The following ERBB4 variants were observed in gnomAD, a reference collection of about 807,000 sequenced individuals.
The protein encoded by ERBB4 is erb-b2 receptor tyrosine kinase 4.
A neutral mutation model predicts 158.0 loss-of-function variants in ERBB4; 42 were observed. The ratio of observed to expected loss-of-function variants is 0.27; its 90% CI spans 0.21 to 0.34. The LOEUF is 0.34. ERBB4 is among the 10% of genes least tolerant of loss of function. The pLI is 1.00. For synonymous variants in ERBB4, 583 were observed against 558.7 expected (o/e 1.04, Z -0.61); for missense variants, 1,333 against 1,624.1 (o/e 0.82, Z 3.08).
chr2:211,626,966 A>T (rs112301067), intron 17 of ERBB4, among the ~76,000 whole-genome samples: 17 of 150,682 alleles, frequency 1.1e-4, no homozygotes, highest in African/African-American at 3.6e-4. Flanking sequence ...TAAAAAAAAA[A>T]AAGTGTGTGT....
At chr2:211,826,080 C>T (rs1342412915) in intron 3 of ERBB4, among the ~76,000 whole-genome samples, 1 of 151,438 alleles carries the variant, frequency 6.6e-6, no homozygotes. Context: ...AGCTTTTGGG[C>T]TTCCATACAG....
At chr2:212,275,585 T>C (rs1433582992) in intron 1 of ERBB4, among the ~76,000 whole-genome samples, 1 of 151,766 alleles carries the variant, frequency 6.6e-6, no homozygotes, top group Non-Finnish European at 1.5e-5. Flanking sequence ...CTGAGCTTCA[T>C]AAGAGAAGGA....
rs1433873381 is a variant in ERBB4 at position 212,029,246 on chromosome 2, T to TACTGCCAGAGCTGTAAC, written c.235-81647_235-81631dup. Among the ~76,000 whole-genome samples, 5 of 152,242 alleles carry TACTGCCAGAGCTGTAAC rather than the reference T, an allele frequency of 3.3e-5. No individual in the cohort carries two copies. The East Asian group carries it at 7.8e-4, about 24-fold the overall frequency. On this transcript the variant is annotated intron_variant, in intron 2 of 27. Transcript: ENST00000342788. Reference sequence around the variant, plus strand: ...TGCAGAAGGAGTCACAGAGCTGTAATACTGCCAGAGCTGTAACACTGCCTC... The same window carrying TACTGCCAGAGCTGTAAC: ...TGCAGAAGGAGTCACAGAGCTGTAATACTGCCAGAGCTGTAACACTGCCAGAGCTGTAACACTGCCTC...
At chr2:212,198,203 T>C (rs1008117478) in intron 1 of ERBB4, among the ~76,000 whole-genome samples, 1 of 152,334 alleles carries the variant, frequency 6.6e-6, no homozygotes, top group East Asian at 1.9e-4. Context: ...TTGGGTTTTT[T>C]AAATTGTGAT....
intron 1 of ERBB4, among the ~76,000 whole-genome samples, chr2:212,225,499 T>G (rs1389345991): frequency 1.6e-5 from 2 of 122,516 alleles, no homozygotes; most frequent in African/African-American, 6.1e-5. Flanking sequence ...TAAGTTTGAA[T>G]CATTTTATTG....
intron 20 of ERBB4, among the ~76,000 whole-genome samples, chr2:211,470,646 C>G (rs558877134): frequency 1.3e-5 from 2 of 152,098 alleles, no homozygotes; most frequent in South Asian, 4.1e-4. Context: ...TTGGAAATCC[C>G]GTAAAACTAA....
At chr2:212,328,773 A>G (rs919705658) in intron 1 of ERBB4, among the ~76,000 whole-genome samples, 1 of 151,970 alleles carries the variant, frequency 6.6e-6, no homozygotes, top group Non-Finnish European at 1.5e-5. Flanking sequence ...ATAATTATAC[A>G]CTAATTTCCC....
At chr2:212,358,798 T>C (rs1249526023) in intron 1 of ERBB4, among the ~76,000 whole-genome samples, 2 of 151,874 alleles carry the variant, frequency 1.3e-5, no homozygotes, top group East Asian at 1.9e-4. Context: ...AATAATTTCT[T>C]AGCAATAACT....
intron 1 of ERBB4, among the ~76,000 whole-genome samples, chr2:212,240,808 G>A (rs915214552): frequency 1.3e-5 from 2 of 151,836 alleles, no homozygotes; most frequent in African/African-American, 4.8e-5. Flanking sequence ...TCAAACCTAA[G>A]CATAAAATAC....
intron 1 of ERBB4, among the ~76,000 whole-genome samples, chr2:212,471,524 G>A (rs1471066879): frequency 1.3e-5 from 2 of 151,842 alleles, no homozygotes. Flanking sequence ...TCTATCCAAT[G>A]CCTTCAATTT....
intron 1 of ERBB4, among the ~76,000 whole-genome samples, chr2:212,350,387 GGAAT>G (rs1423653436): frequency 1.3e-5 from 2 of 152,042 alleles, no homozygotes; most frequent in Non-Finnish European, 2.9e-5. Flanking sequence ...TGTTTACTAT[GGAAT>G]AAATATTGCA....
At chr2:212,460,141 G>A (rs1688497780) in intron 1 of ERBB4, among the ~76,000 whole-genome samples, 1 of 152,104 alleles carries the variant, frequency 6.6e-6, no homozygotes, top group Non-Finnish European at 1.5e-5. Context: ...GCTCTTCCTT[G>A]CCTTCCACCA....
intron 20 of ERBB4, among the ~76,000 whole-genome samples, chr2:211,472,815 C>T (rs1178329233): frequency 6.6e-6 from 1 of 151,958 alleles, no homozygotes; most frequent in Non-Finnish European, 1.5e-5. Flanking sequence ...GAAATTAAAG[C>T]ACAGATTGCT....
intron 1 of ERBB4, among the ~76,000 whole-genome samples, chr2:212,516,543 A>G (rs889638213): frequency 3.3e-5 from 5 of 152,058 alleles, no homozygotes. Flanking sequence ...ATCATATAAG[A>G]GCTCTTCCAG....
intron 20 of ERBB4, among the ~76,000 whole-genome samples, chr2:211,504,493 A>T (rs965906717): frequency 4.6e-5 from 7 of 152,076 alleles, no homozygotes; most frequent in Non-Finnish European, 1.0e-4. Flanking sequence ...CAAAACTAAG[A>T]TGTAACAGTT....
At chr2:212,319,630 G>A (rs16848343) in intron 1 of ERBB4, among the ~76,000 whole-genome samples, 103,410 of 149,866 alleles carry the variant, frequency 0.69, 39,769 homozygotes, top group Non-Finnish European at 0.84. Context: ...TTTGTTACAG[G>A]AAACTTTGAA....
chr2:212,512,861 C>A (rs1489785125), intron 1 of ERBB4, among the ~76,000 whole-genome samples: 2 of 152,102 alleles, frequency 1.3e-5, no homozygotes, highest in African/African-American at 4.8e-5. Context: ...GTTCCCGTGG[C>A]CTGTTTCTAC....
chr2:211,380,602 C>T lies in ERBB4; in HGVS notation c.*3013G>A, dbSNP rs1176641312. ...TGGAAGGAATGAAACTTTTTTTCTC[C>T]CTCTTATACATGCTGAAATATGTTT... On this transcript the variant is annotated 3_prime_UTR_variant, in exon 28 of 28. Coordinates refer to ENST00000342788, the MANE Select transcript of ERBB4 (RefSeq NM_005235.3). The T allele has an allele frequency of 8.6e-6, 2 of 231,654 alleles. No homozygotes were observed. The highest frequency in any genetic ancestry group is 5.7e-5 in the Admixed American group (1 of 17,682). 14.3% of individuals were successfully genotyped at this position (231,654 alleles called of 1,614,324 possible). A position where few individuals can be genotyped will look rare whatever the true frequency, so the allele number is the denominator to read the frequency against.
chr2:212,189,372 T>C (rs935135429), intron 1 of ERBB4, among the ~76,000 whole-genome samples: 15 of 152,186 alleles, frequency 9.9e-5, no homozygotes, highest in Non-Finnish European at 1.9e-4. Context: ...CTTCTGCTTA[T>C]CCTCTCCATC....
Sources: gnomAD v4.1 joint callset for allele counts (sites outside exome capture counted in the v4.1 genomes callset) on GRCh38, gnomAD v4.1.1 for gene constraint, MANE v1.5 for transcripts, NCBI Gene and HGNC (gene_info 2026-07-23, HGNC 2026-07-21) for gene names.